Variants in LPIN1 observed in about 807,000 individuals in gnomAD.
LPIN1 encodes phosphatidate phosphatase LPIN1.
LPIN1 carries 71 observed loss-of-function variants against 107.5 expected under a neutral mutation model. The observed-to-expected ratio is 0.66, with a 90% CI of 0.55 to 0.80. LPIN1 has a LOEUF of 0.80. Ranked by LOEUF, LPIN1 falls within the 30% of genes least tolerant of loss-of-function variation. LPIN1 has a pLI of 0.00. For synonymous variants in LPIN1, 445 were observed against 452.6 expected, an observed-to-expected ratio of 0.98 and a Z score of 0.21; for missense variants, 1,043 against 1,160.6, an observed-to-expected ratio of 0.90 and a Z score of 1.47.
At chr2:11,783,728 C>A in intron 8 of LPIN1, 101 bp from the exon 9 acceptor site, 1 of 987,476 alleles carries the variant, frequency 1.0e-6, no homozygotes, top group Non-Finnish European at 1.6e-6. Context: ...TACCTGGGAG[C>A]AAATCTGCAC....
intron 1 of LPIN1, among the ~76,000 whole-genome samples, chr2:11,759,383 TCTTAACGAGCCTG>T (rs985319409): frequency 4.6e-5 from 7 of 152,062 alleles, no homozygotes; most frequent in African/African-American, 1.7e-4. Context: ...TGGTGATGAC[TCTTAACGAGCCTG>T]CTGCCTTCAA....
At chr2:11,756,094 G>C (rs1160239810) in intron 1 of LPIN1, among the ~76,000 whole-genome samples, 1 of 152,198 alleles carries the variant, frequency 6.6e-6, no homozygotes, top group Non-Finnish European at 1.5e-5. Flanking sequence ...GGGATTGTAA[G>C]AGTACATTTA....
At chr2:11,722,850 T>C (rs1664249845), upstream of LPIN1, among the ~76,000 whole-genome samples, 1 of 152,208 alleles carries the variant, frequency 6.6e-6, no homozygotes, top group Non-Finnish European at 1.5e-5. Context: ...TGGTGAATAT[T>C]TTAGGAACAA....
intron 1 of LPIN1, among the ~76,000 whole-genome samples, chr2:11,709,395 T>C (rs1663291267): frequency 3.3e-5 from 5 of 152,244 alleles, no homozygotes; most frequent in Non-Finnish European, 1.5e-5. Context: ...CGGTACCTTG[T>C]CGATGCCTTG....
rs1671840074 is a variant in LPIN1, at chr2:11,771,527, C to G, written c.444C>G (p.Ser148Arg). 6.2e-7 allele frequency: 1 copy of G among 1,614,154 alleles called. No homozygotes were observed. ...QVIAPSETPS[S>R]SSVVKKRRKR... ...TCGCTCCCAGCGAGACGCCGTCAAG[C>G]AGCTCTGTAGTAAAGAAGAGAAGAA... Residue 148 changes from serine to arginine, a missense_variant, in exon 4 of 21, where the codon AGC becomes AGG. Ser to Arg is a moderately radical substitution (Grantham distance 110). Transcript: ENST00000674199. The surrounding 1 kb of genome is among the most constrained non-coding windows in gnomAD (Gnocchi z 4.8).
At chr2:11,709,286 A>T (rs1663285568) in intron 1 of LPIN1, among the ~76,000 whole-genome samples, 1 of 152,216 alleles carries the variant, frequency 6.6e-6, no homozygotes, top group African/African-American at 2.4e-5. Context: ...AGGAGGGTGT[A>T]TGCATGTAGA....
intron 1 of LPIN1, among the ~76,000 whole-genome samples, chr2:11,734,647 G>A (rs944257450): frequency 6.6e-6 from 1 of 152,206 alleles, no homozygotes; most frequent in Non-Finnish European, 1.5e-5. Flanking sequence ...GAAGGTAGAA[G>A]ATGGGGTGCT....
At chr2:11,686,000 G>A (rs531575601) in intron 1 of LPIN1, among the ~76,000 whole-genome samples, 1 of 152,150 alleles carries the variant, frequency 6.6e-6, no homozygotes, top group Admixed American at 6.5e-5. Flanking sequence ...TTGTGTAAGT[G>A]CAGCCTTCTC....
rs74571212 is a variant in LPIN1 at position 11,691,906 on chromosome 2, A to T, written c.81+14178A>T. ...CAACTATCCTTTAGAGCATCATGAAAGATCTTATCAAATGCTTCTCTGAAA... is the reference window on the plus strand; with the variant it reads ...CAACTATCCTTTAGAGCATCATGAATGATCTTATCAAATGCTTCTCTGAAA... On this transcript the variant is annotated intron_variant, in intron 1 of 21. Transcript: ENST00000449576. Among the ~76,000 whole-genome samples the T allele has an allele frequency of 6.0e-3, 908 of 152,358 alleles. 3 individuals are homozygous for T. The highest frequency in any genetic ancestry group is 0.017 in the Middle Eastern group (5 of 294).
intron 4 of LPIN1, among the ~76,000 whole-genome samples, chr2:11,773,042 T>C (rs1672109443): frequency 6.6e-6 from 1 of 152,216 alleles, no homozygotes; most frequent in Non-Finnish European, 1.5e-5. Context: ...CCAGGTAACA[T>C]CAACATATAG....
intron 20 of LPIN1, among the ~76,000 whole-genome samples, chr2:11,821,245 G>C (rs1294926558): frequency 6.6e-6 from 1 of 152,038 alleles, no homozygotes; most frequent in African/African-American, 2.4e-5. Flanking sequence ...GGCCAGGCAC[G>C]GTGGCTCATG....
In LPIN1 at chr2:11,779,575, C is replaced by A. The variant is rs1446500002; in HGVS notation, c.887C>A (p.Ser296Tyr). The part of the protein sequence containing the change: ...PKSDSELVSK[S>Y]TERTGQKNPE... ...AGTGATTCAGAATTGGTCAGCAAGT[C>A]CACGGAAAGGACAGGGCAGAAGAAC... The change falls in exon 7 of 21, where the codon TCC (serine) becomes TAC (tyrosine). Residue 296 changes from serine to tyrosine, a missense_variant. Physicochemically the swap from Ser to Tyr is moderately radical, Grantham distance 144 (BLOSUM62 -2). Coordinates refer to ENST00000674199, the MANE Select transcript of LPIN1 (RefSeq NM_001349206.2). 6.2e-7 allele frequency: 1 copy of A among 1,614,064 alleles called. No individual in the cohort carries two copies. Among genetic ancestry groups the A allele is most frequent in the Non-Finnish European group, 8.5e-7 (1 of 1,180,016 alleles).
chr2:11,807,563 A>G (rs1223288474), intron 17 of LPIN1, among the ~76,000 whole-genome samples: 1 of 148,374 alleles, frequency 6.7e-6, no homozygotes, highest in Non-Finnish European at 1.5e-5. Context: ...CTCAGAAGAG[A>G]GATCTTCTTG....
intron 1 of LPIN1, among the ~76,000 whole-genome samples, chr2:11,709,814 A>T (rs890504557): frequency 1.3e-5 from 2 of 152,246 alleles, no homozygotes; most frequent in Non-Finnish European, 2.9e-5. Flanking sequence ...TGTGTTTGTG[A>T]GATTTCTGCT....
At position 11,782,368 on chromosome 2, in the gene LPIN1, A is replaced by C; in HGVS notation, c.1125A>C (p.Glu375Asp). ...ALLDQNKPQT[E>D]MQFVNEEDLE... is the part of the protein sequence containing the mutation. Reference sequence around the variant, plus strand: ...TGGACCAGAACAAGCCTCAGACAGAAATGCAGTTTGTGAATGAAGAAGACC... The same window carrying C: ...TGGACCAGAACAAGCCTCAGACAGACATGCAGTTTGTGAATGAAGAAGACC... Residue 375 changes from glutamate (E) to aspartate (D), a missense_variant, in exon 8 of 21, where the codon GAA (glutamate) becomes GAC (aspartate). By Grantham distance (45) the Glu-to-Asp change is conservative. Coordinates refer to ENST00000674199, the MANE Select transcript of LPIN1 (RefSeq NM_001349206.2). The C allele has an allele frequency of 6.2e-7, 1 of 1,614,208 alleles. No homozygotes were observed. Among genetic ancestry groups the C allele is most frequent in the South Asian group, 1.1e-5 (1 of 91,082 alleles).
chr2:11,787,209 T>A, intron 11 of LPIN1, 42 bp downstream of exon 11: 1 of 1,287,112 alleles, frequency 7.8e-7, no homozygotes, highest in Non-Finnish European at 1.1e-6. Flanking sequence ...AGCATGATAC[T>A]GTTTCTGTTT....
At chr2:11,812,630 C>T (rs1220560400) in intron 17 of LPIN1, among the ~76,000 whole-genome samples, 1 of 151,986 alleles carries the variant, frequency 6.6e-6, no homozygotes, top group Non-Finnish European at 1.5e-5. Flanking sequence ...GTGTGGTTTG[C>T]CAGGAGTGAG....
Position 11,803,068 on chromosome 2 carries a change from A to C in LPIN1, c.2013+35A>C, listed in dbSNP as rs1457280527. On this transcript the variant is annotated intron_variant, in intron 15 of 20. Coordinates refer to ENST00000674199, the MANE Select transcript of LPIN1 (RefSeq NM_001349206.2). This position sits in a 1 kb window ranked among gnomAD's most constrained non-coding sequence, Gnocchi z 4.2. ...CCATGCTTGGCGCGGCTGTGTTGTG[A>C]GCACATGAGGTTTCTGCAGACTCCT... 1 of 1,610,994 alleles carries C rather than the reference A, an allele frequency of 6.2e-7. No homozygotes were observed. Among genetic ancestry groups the C allele is most frequent in the African/African-American group, 1.3e-5 (1 of 74,848 alleles).
At chr2:11,788,581 T>C in intron 12 of LPIN1, 125 bp downstream of exon 12, 1 of 788,640 alleles carries the variant, frequency 1.3e-6, no homozygotes, top group Non-Finnish European at 2.2e-6. Context: ...CTTTTGAAGT[T>C]CATGAGCATA....
Sources: gnomAD v4.1 joint callset for allele counts (sites outside exome capture counted in the v4.1 genomes callset) on GRCh38, gnomAD v4.1.1 for gene constraint, Gnocchi (gnomAD v3.1) non-coding constraint, MANE v1.5 for transcripts, NCBI Gene and HGNC (gene_info 2026-07-23, HGNC 2026-07-21) for gene names.